TMEM272: variants seen among roughly 807,000 people sequenced by gnomAD.
TMEM272 encodes the protein transmembrane protein 272.
A neutral mutation model predicts 3.7 loss-of-function variants in TMEM272; 8 were observed. The ratio of observed to expected loss-of-function variants is 2.17; its 90% CI spans 1.27 to 3.91. The LOEUF is 3.91. Ranked by LOEUF, TMEM272 falls within the 30% of genes most tolerant of loss-of-function variation. The pLI, the probability that TMEM272 is intolerant of heterozygous loss-of-function variation, is 0.00. For synonymous variants in TMEM272, 63 were observed against 39.8 expected (o/e 1.58, Z -2.20); for missense variants, 166 against 91.5 (o/e 1.81, Z -3.32).
chr13:51,866,952 T>G, the TMEM272 span, among the ~76,000 whole-genome samples: 1 of 152,220 alleles, frequency 6.6e-6, no homozygotes, highest in African/African-American at 2.4e-5. Flanking sequence ...GTACATTGAA[T>G]GAATGTACAT....
chr13:51,903,717 G>A, the TMEM272 span, among the ~76,000 whole-genome samples: 2 of 152,270 alleles, frequency 1.3e-5, no homozygotes, highest in Middle Eastern at 3.4e-3. Context: ...AGTGGCAACC[G>A]AAAAATGAAA....
chr13:51,907,158 C>T, the TMEM272 span, among the ~76,000 whole-genome samples: 33 of 152,298 alleles, frequency 2.2e-4, no homozygotes, highest in South Asian at 6.8e-3. Flanking sequence ...TTTACGTGGC[C>T]TTGTGGCTTC....
chr13:51,838,329 C>A, intron 2 of TMEM272, 144 bp downstream of exon 2: 1 of 662,932 alleles, frequency 1.5e-6, no homozygotes, highest in Admixed American at 2.2e-5. Flanking sequence ...GGGCCGGACA[C>A]TGTCTTCCCC....
Position 51,822,448 on chromosome 13 carries a change from T to C in TMEM272, c.119-311A>G, listed in dbSNP as rs1033773738. 2.0e-5 allele frequency among the ~76,000 whole-genome samples: 3 copies of C among 152,346 alleles called. No individual in the cohort carries two copies. The South Asian group carries it at 6.2e-4, about 32-fold the overall frequency. On this transcript the variant is annotated intron_variant, in intron 3 of 4. Coordinates refer to ENST00000629372, the MANE Select transcript of TMEM272 (RefSeq NM_001351003.2). ...ACTCTGCCTTTCTGAATAGCCAGTG[T>C]ATGAGAACTCAAGTTTTCAAGGATT...
the TMEM272 span, among the ~76,000 whole-genome samples, chr13:51,852,825 G>T: frequency 6.7e-6 from 1 of 150,142 alleles, no homozygotes; most frequent in East Asian, 2.0e-4. Flanking sequence ...GATGCAGTGA[G>T]CCAAGATCGC....
the TMEM272 span, among the ~76,000 whole-genome samples, chr13:51,895,354 C>G: frequency 6.6e-6 from 1 of 152,128 alleles, no homozygotes; most frequent in African/African-American, 2.4e-5. Flanking sequence ...GGGAAACTGC[C>G]TCTGAAGATG....
chr13:51,856,953 G>A, the TMEM272 span, among the ~76,000 whole-genome samples: 13 of 152,196 alleles, frequency 8.5e-5, no homozygotes, highest in Non-Finnish European at 1.6e-4. Flanking sequence ...AGAAAACAAA[G>A]GCACTTCTAT....
At chr13:51,914,086 C>T in the TMEM272 span, among the ~76,000 whole-genome samples, 1 of 152,250 alleles carries the variant, frequency 6.6e-6, no homozygotes, top group Non-Finnish European at 1.5e-5. Context: ...TCTATTCTAA[C>T]ACAGTTTCTT....
chr13:51,898,445 C>T, the TMEM272 span, among the ~76,000 whole-genome samples: 3 of 151,516 alleles, frequency 2.0e-5, no homozygotes, highest in Admixed American at 6.6e-5. Flanking sequence ...AGGATGGCTG[C>T]CTCATGGATG....
chr13:51,897,288 T>C, the TMEM272 span, among the ~76,000 whole-genome samples: 869 of 150,622 alleles, frequency 5.8e-3, 8 homozygotes, highest in African/African-American at 0.02. Flanking sequence ...AGCCCTGACC[T>C]AGGCTCAAGC....
chr13:51,852,624 A>G, the TMEM272 span, among the ~76,000 whole-genome samples: 1 of 152,208 alleles, frequency 6.6e-6, no homozygotes, highest in Admixed American at 6.5e-5. Flanking sequence ...TCAAGCCTGT[A>G]ATCCCAGGAC....
intron 2 of TMEM272, among the ~76,000 whole-genome samples, chr13:51,835,760 C>T (rs1367026428): frequency 6.6e-6 from 1 of 152,180 alleles, no homozygotes; most frequent in Non-Finnish European, 1.5e-5. Context: ...CAAACAAATA[C>T]AAAGAGTAAT....
At chr13:51,881,503 G>C in the TMEM272 span, among the ~76,000 whole-genome samples, 1 of 152,202 alleles carries the variant, frequency 6.6e-6, no homozygotes, top group Non-Finnish European at 1.5e-5. Flanking sequence ...CTGGACAGAA[G>C]TGGGGAGGGG....
chr13:51,887,057 T>G, the TMEM272 span, among the ~76,000 whole-genome samples: 1 of 152,202 alleles, frequency 6.6e-6, no homozygotes, highest in Non-Finnish European at 1.5e-5. Flanking sequence ...GCCTAGGATC[T>G]AAAACGCTAT....
intron 3 of TMEM272, among the ~76,000 whole-genome samples, 188 bp downstream of exon 3, chr13:51,826,378 C>T (rs904747198): frequency 2.6e-5 from 4 of 152,092 alleles, no homozygotes; most frequent in South Asian, 2.1e-4. Flanking sequence ...TCTCCCAGGG[C>T]GGGGCCCAGG....
At chr13:51,850,423 C>T in the TMEM272 span, among the ~76,000 whole-genome samples, 1 of 152,150 alleles carries the variant, frequency 6.6e-6, no homozygotes, top group African/African-American at 2.4e-5. Flanking sequence ...TAGACAAGGG[C>T]CCTGCCCAGT....
the TMEM272 span, among the ~76,000 whole-genome samples, chr13:51,931,299 C>CAA: frequency 8.4e-6 from 1 of 119,010 alleles, no homozygotes; most frequent in African/African-American, 3.2e-5. Flanking sequence ...GAGTTCGTCT[C>CAA]AAAAAAAAAA....
upstream of TMEM272, among the ~76,000 whole-genome samples, chr13:51,849,520 C>G (rs1458394646): frequency 1.3e-5 from 2 of 152,240 alleles, no homozygotes; most frequent in Non-Finnish European, 2.9e-5. Context: ...AGCAAACAAA[C>G]TCCTGGATCT....
chr13:51,894,420 T>C, the TMEM272 span, among the ~76,000 whole-genome samples: 11 of 152,266 alleles, frequency 7.2e-5, no homozygotes, highest in Admixed American at 7.2e-4. Flanking sequence ...GAGCCCTACA[T>C]GTGGAAGTTC....
Sources: allele counts gnomAD v4.1 joint callset (sites outside exome capture counted in the v4.1 genomes callset), GRCh38; gene constraint gnomAD v4.1.1; transcripts MANE v1.5; gene names NCBI Gene and HGNC (gene_info 2026-07-23, HGNC 2026-07-21).